HS6ST3: variants seen among roughly 807,000 people sequenced by gnomAD.
HS6ST3 encodes the protein heparan sulfate 6-O-sulfotransferase 3.
HS6ST3 carries 12 observed loss-of-function variants against 36.7 expected under a neutral mutation model. That is an observed-to-expected ratio of 0.33 (90% CI 0.21 to 0.53). The LOEUF is 0.53. HS6ST3 is among the 20% of genes least tolerant of loss of function. The pLI, the probability that HS6ST3 is intolerant of heterozygous loss-of-function variation, is 0.95. For synonymous variants in HS6ST3, 240 were observed against 257.5 expected (o/e 0.93, Z 0.65); for missense variants, 584 against 640.9 (o/e 0.91, Z 0.96).
intron 1 of HS6ST3, among the ~76,000 whole-genome samples, chr13:96,458,848 T>G (rs2055767323): frequency 6.6e-6 from 1 of 151,946 alleles, no homozygotes; most frequent in South Asian, 2.1e-4. Flanking sequence ...ACGCCTATAA[T>G]CCCAGCACTT....
chr13:96,302,916 G>A (rs936545333), intron 1 of HS6ST3, among the ~76,000 whole-genome samples: 1 of 152,048 alleles, frequency 6.6e-6, no homozygotes, highest in African/African-American at 2.4e-5. Flanking sequence ...ACCTCATCTG[G>A]TCTGCTACTT....
chr13:96,105,471 T>A (rs1292680449), intron 1 of HS6ST3, among the ~76,000 whole-genome samples: 1 of 151,966 alleles, frequency 6.6e-6, no homozygotes, highest in East Asian at 1.9e-4. Context: ...GCCAACATGG[T>A]GAAAACCTGT....
In HS6ST3 at chr13:96,615,826, A is replaced by G. The variant is rs149517023; in HGVS notation, c.708-216664A>G. Reference sequence around the variant, plus strand: ...GGAATGTACCAAAAGCTGATTTCATATCCACACTGGTACCTTTTGTTATAT... The same window carrying G: ...GGAATGTACCAAAAGCTGATTTCATGTCCACACTGGTACCTTTTGTTATAT... On this transcript the variant is annotated intron_variant, in intron 1 of 1. Coordinates refer to ENST00000376705, the MANE Select transcript of HS6ST3 (RefSeq NM_153456.4). 2.7e-3 allele frequency among the ~76,000 whole-genome samples: 417 copies of G among 152,348 alleles called. 13 individuals are homozygous for G. The East Asian group carries it at 0.065, about 24-fold the overall frequency.
At chr13:96,479,910 T>C (rs975033661) in intron 1 of HS6ST3, among the ~76,000 whole-genome samples, 6 of 152,072 alleles carry the variant, frequency 3.9e-5, no homozygotes, top group African/African-American at 1.4e-4. Context: ...GGCTGGGGAA[T>C]TGGGGTGAGC....
At chr13:96,522,874 A>T (rs2056099289) in intron 1 of HS6ST3, among the ~76,000 whole-genome samples, 1 of 152,092 alleles carries the variant, frequency 6.6e-6, no homozygotes, top group Non-Finnish European at 1.5e-5. Context: ...TAAGGTTAAT[A>T]TTGTTATGTG....
intron 1 of HS6ST3, among the ~76,000 whole-genome samples, chr13:96,729,714 C>T (rs1876097364): frequency 1.3e-5 from 2 of 152,054 alleles, no homozygotes; most frequent in South Asian, 4.2e-4. Flanking sequence ...TGATACCCGA[C>T]TTTGGCTTCC....
At chr13:96,424,681 A>C (rs74106453) in intron 1 of HS6ST3, among the ~76,000 whole-genome samples, 4 of 152,130 alleles carry the variant, frequency 2.6e-5, no homozygotes, top group African/African-American at 9.7e-5. Context: ...AGTTTTCTCC[A>C]GCCTCTTTTA....
chr13:96,149,461 A>C (rs2054074044), intron 1 of HS6ST3, among the ~76,000 whole-genome samples: 1 of 152,162 alleles, frequency 6.6e-6, no homozygotes, highest in Non-Finnish European at 1.5e-5. Flanking sequence ...ACCTCTTATT[A>C]AAGTGACATG....
At chr13:96,805,162 G>A (rs1878167214) in intron 1 of HS6ST3, among the ~76,000 whole-genome samples, 2 of 152,174 alleles carry the variant, frequency 1.3e-5, no homozygotes, top group African/African-American at 4.8e-5. Flanking sequence ...TTGGCTCTAT[G>A]TCCCCACCCA....
At chr13:96,180,082 G>A (rs1321846242) in intron 1 of HS6ST3, among the ~76,000 whole-genome samples, 2 of 152,044 alleles carry the variant, frequency 1.3e-5, no homozygotes, top group Non-Finnish European at 2.9e-5. Context: ...TGATCCACCC[G>A]CCTCAGCCTC....
intron 1 of HS6ST3, among the ~76,000 whole-genome samples, chr13:96,118,766 A>G (rs1276834831): frequency 8.3e-6 from 1 of 121,112 alleles, no homozygotes; most frequent in Non-Finnish European, 1.6e-5. Context: ...TGCGGACTGC[A>G]GTGGCGCAAT....
intron 1 of HS6ST3, among the ~76,000 whole-genome samples, chr13:96,183,534 C>T (rs1566901895): frequency 6.6e-6 from 1 of 152,084 alleles, no homozygotes; most frequent in Admixed American, 6.6e-5. Flanking sequence ...AATTTGAGGC[C>T]CAGATAGATG....
At chr13:96,619,384 T>C (rs1289105539) in intron 1 of HS6ST3, among the ~76,000 whole-genome samples, 3 of 152,254 alleles carry the variant, frequency 2.0e-5, no homozygotes, top group African/African-American at 4.8e-5. Context: ...TAGAGTTATC[T>C]GACTTTTTTC....
intron 1 of HS6ST3, among the ~76,000 whole-genome samples, chr13:96,154,997 C>G (rs1309289381): frequency 6.6e-6 from 1 of 151,928 alleles, no homozygotes; most frequent in African/African-American, 2.4e-5. Flanking sequence ...ACAATGTTAT[C>G]TAAAATTATG....
At chr13:96,500,818 A>G (rs1225916066) in intron 1 of HS6ST3, among the ~76,000 whole-genome samples, 2 of 152,376 alleles carry the variant, frequency 1.3e-5, no homozygotes, top group Non-Finnish European at 1.5e-5. Flanking sequence ...TATGAAATCA[A>G]TTAAAATGTA....
intron 1 of HS6ST3, among the ~76,000 whole-genome samples, chr13:96,293,006 T>C (rs2054837671): frequency 6.6e-6 from 1 of 152,086 alleles, no homozygotes; most frequent in African/African-American, 2.4e-5. Flanking sequence ...GGTTTCTCTT[T>C]AGAAATGAGA....
chr13:96,715,363 C>A (rs753204548), intron 1 of HS6ST3, among the ~76,000 whole-genome samples: 2 of 151,848 alleles, frequency 1.3e-5, no homozygotes, highest in Non-Finnish European at 2.9e-5. Flanking sequence ...ACATTTGGTT[C>A]TTTAATTATG....
intron 1 of HS6ST3, among the ~76,000 whole-genome samples, chr13:96,726,419 G>A (rs1438561292): frequency 6.6e-6 from 1 of 151,974 alleles, no homozygotes; most frequent in Non-Finnish European, 1.5e-5. Flanking sequence ...CAGTGTACAG[G>A]ACTTATATGT....
chr13:96,691,500 G>T (rs977591513), intron 1 of HS6ST3, among the ~76,000 whole-genome samples: 4 of 152,104 alleles, frequency 2.6e-5, no homozygotes, highest in Admixed American at 6.6e-5. Context: ...TGGCAATATT[G>T]GTCCAGCACA....
Sources: allele counts gnomAD v4.1 joint callset (sites outside exome capture counted in the v4.1 genomes callset), GRCh38; gene constraint gnomAD v4.1.1; transcripts MANE v1.5; gene names NCBI Gene and HGNC (gene_info 2026-07-23, HGNC 2026-07-21).